The following ZBTB7C variants were observed in gnomAD, a reference collection of about 807,000 sequenced individuals.
ZBTB7C encodes the protein zinc finger and BTB domain containing 7C, also known as zinc finger and BTB domain-containing protein 7C.
A neutral mutation model predicts 25.7 loss-of-function variants in ZBTB7C; 8 were observed. The ratio of observed to expected loss-of-function variants is 0.31; its 90% confidence interval spans 0.18 to 0.56. ZBTB7C has a LOEUF of 0.56. ZBTB7C is among the 20% of genes least tolerant of loss of function. The pLI, the probability that ZBTB7C is intolerant of heterozygous loss-of-function variation, is 0.91. For synonymous variants in ZBTB7C, 394 were observed against 369.0 expected (o/e 1.07, Z -0.78); for missense variants, 824 against 855.2 (o/e 0.96, Z 0.46).
At chr18:48,045,654 T>A (rs2036439331) in intron 3 of ZBTB7C, among the ~76,000 whole-genome samples, 1 of 152,154 alleles carries the variant, frequency 6.6e-6, no homozygotes. Flanking sequence ...CACTTCAAGG[T>A]CTCACTTAGA....
At chr18:48,063,979 C>T (rs1171786469) in intron 3 of ZBTB7C, among the ~76,000 whole-genome samples, 1 of 152,156 alleles carries the variant, frequency 6.6e-6, no homozygotes, top group Non-Finnish European at 1.5e-5. Flanking sequence ...ATCCAGTCCT[C>T]CTCCTAAGCA....
At chr18:48,400,524 TG>T (rs1419739530) in intron 1 of ZBTB7C, among the ~76,000 whole-genome samples, 2 of 152,160 alleles carry the variant, frequency 1.3e-5, no homozygotes, top group Non-Finnish European at 2.9e-5. Context: ...GCTTTTGATG[TG>T]TCCCCACCTA....
At chr18:48,124,961 C>T (rs2039752564) in intron 3 of ZBTB7C, among the ~76,000 whole-genome samples, 1 of 152,176 alleles carries the variant, frequency 6.6e-6, no homozygotes, top group African/African-American at 2.4e-5. Flanking sequence ...CTGAGCCACA[C>T]CCTCAGCTTT....
At chr18:48,325,077 G>C (rs1186180586) in intron 2 of ZBTB7C, among the ~76,000 whole-genome samples, 1 of 152,218 alleles carries the variant, frequency 6.6e-6, no homozygotes, top group East Asian at 1.9e-4. Flanking sequence ...AAGGTGCTGT[G>C]CATGGTAACA....
chr18:48,171,951 A>T (rs1189968762), intron 3 of ZBTB7C, among the ~76,000 whole-genome samples: 4 of 152,204 alleles, frequency 2.6e-5, no homozygotes, highest in African/African-American at 9.7e-5. Context: ...TTTTCATGTC[A>T]GCCACTCAGT....
chr18:48,088,686 C>G (rs914028152), intron 3 of ZBTB7C, among the ~76,000 whole-genome samples: 1 of 151,636 alleles, frequency 6.6e-6, no homozygotes, highest in Non-Finnish European at 1.5e-5. Flanking sequence ...AAAAATTAGC[C>G]GGGTGTGGTG....
Position 48,219,387 on chromosome 18 carries a change from C to A in ZBTB7C, c.-78-33392G>T, listed in dbSNP as rs540026348. The stretch of plus-strand genomic sequence containing the variant: ...ACATCTGATGAGAACTGACTTCATG[C>A]AGGGCCTTGTTCTAAGCATCTGCAC... On this transcript the variant is annotated intron_variant, in intron 2 of 4. Coordinates refer to ENST00000590800, the MANE Select transcript of ZBTB7C (RefSeq NM_001318841.2). Among the ~76,000 whole-genome samples, 7 of 152,208 alleles carry A rather than the reference C, an allele frequency of 4.6e-5. No homozygotes were observed. In the South Asian group the frequency reaches 6.2e-4, roughly 14 times the overall value.
chr18:48,314,049 G>A (rs576003293), intron 2 of ZBTB7C, among the ~76,000 whole-genome samples: 4 of 152,268 alleles, frequency 2.6e-5, no homozygotes, highest in South Asian at 4.2e-4. Flanking sequence ...GGCCAGCACC[G>A]TGCTTCCTGT....
intron 2 of ZBTB7C, among the ~76,000 whole-genome samples, chr18:48,237,153 G>T (rs1321249523): frequency 6.6e-6 from 1 of 152,174 alleles, no homozygotes; most frequent in Non-Finnish European, 1.5e-5. Context: ...TCCTGTTAAT[G>T]TCTTCCATTG....
chr18:48,052,337 A>T (rs1376405850), intron 3 of ZBTB7C, among the ~76,000 whole-genome samples: 1 of 152,214 alleles, frequency 6.6e-6, no homozygotes, highest in Non-Finnish European at 1.5e-5. Context: ...TTTGCTAGTT[A>T]TTGAAGAGGT....
intron 1 of ZBTB7C, among the ~76,000 whole-genome samples, chr18:48,371,652 T>C (rs189221801): frequency 2.2e-3 from 333 of 152,346 alleles, no homozygotes; most frequent in African/African-American, 7.4e-3. Flanking sequence ...AGTGAGAGCA[T>C]GGCCAGGCAC....
intron 3 of ZBTB7C, among the ~76,000 whole-genome samples, chr18:48,160,535 T>C (rs765085483): frequency 1.3e-5 from 2 of 152,190 alleles, no homozygotes; most frequent in Admixed American, 6.5e-5. Context: ...AGGACTGGGC[T>C]GAGGATGCCT....
intron 1 of ZBTB7C, among the ~76,000 whole-genome samples, chr18:48,391,221 T>C (rs953735453): frequency 6.6e-6 from 1 of 152,176 alleles, no homozygotes; most frequent in Admixed American, 6.5e-5. Context: ...TGAAGGGACA[T>C]CCTCTCCACG....
intron 3 of ZBTB7C, among the ~76,000 whole-genome samples, chr18:48,182,425 G>T (rs2041952459): frequency 6.6e-6 from 1 of 152,218 alleles, no homozygotes; most frequent in African/African-American, 2.4e-5. Context: ...ACTTCAGAAG[G>T]TAAGTGTCCG....
chr18:48,032,422 GTTTTTTTTTTTTTTT>G lies in ZBTB7C; in HGVS notation c.1209-2526_1209-2512del, dbSNP rs71165309. Reference sequence around the variant, plus strand: ...GAGCCACTGTGCCCGGACAAGGTAGGTTTTTTTTTTTTTTTTTTTTTTTTTTTTTTGAGACGGAGT... The same window carrying G: ...GAGCCACTGTGCCCGGACAAGGTAGGTTTTTTTTTTTTTTTGAGACGGAGT... On this transcript the variant is annotated intron_variant, in intron 4 of 4. Transcript: ENST00000590800. Among the ~76,000 whole-genome samples the G allele has an allele frequency of 1.4e-4, 9 of 65,096 alleles. 1 individual carries two copies. Among genetic ancestry groups the G allele is most frequent in the South Asian group, 1.3e-3 (2 of 1,498 alleles). 42.7% of individuals were successfully genotyped at this position (65,096 alleles called of 152,430 possible). A position where few individuals can be genotyped will look rare whatever the true frequency, so the allele number is the denominator to read the frequency against.
At chr18:48,344,829 G>A (rs1018981533) in intron 1 of ZBTB7C, among the ~76,000 whole-genome samples, 1 of 152,236 alleles carries the variant, frequency 6.6e-6, no homozygotes, top group Non-Finnish European at 1.5e-5. Context: ...GACCATGAAG[G>A]TTGTGCTGTG....
Position 48,177,809 on chromosome 18 carries a change from C to A in ZBTB7C, c.-17+8125G>T, listed in dbSNP as rs531229287. 7.9e-5 allele frequency among the ~76,000 whole-genome samples: 12 copies of A among 152,270 alleles called. No homozygotes were observed. In the East Asian group the frequency reaches 2.3e-3, roughly 30 times the overall value. On this transcript the variant is annotated intron_variant, in intron 3 of 4. Coordinates refer to ENST00000590800, the MANE Select transcript of ZBTB7C (RefSeq NM_001318841.2). ...CAGACACAGCAACGGGCTCCCTTGC[C>A]TCTGGCCTCCTGTCAGCTCAGCCTG...
At chr18:48,367,202 T>TATATATATATATATAC (rs1302394192) in intron 1 of ZBTB7C, among the ~76,000 whole-genome samples, 75 of 63,336 alleles carry the variant, frequency 1.2e-3, no homozygotes, top group African/African-American at 3.0e-3. Flanking sequence ...TATATATATA[T>TATATATATATATATAC]ACACACACAC....
chr18:48,059,004 G>C (rs1389487436), intron 3 of ZBTB7C, among the ~76,000 whole-genome samples: 1 of 152,180 alleles, frequency 6.6e-6, no homozygotes, highest in Non-Finnish European at 1.5e-5. Context: ...AGGAATCCCT[G>C]AGCCAGAACG....
Sources: allele counts gnomAD v4.1 joint callset (sites outside exome capture counted in the v4.1 genomes callset), GRCh38; gene constraint gnomAD v4.1.1; transcripts MANE v1.5; gene names NCBI Gene and HGNC (gene_info 2026-07-23, HGNC 2026-07-21).